HTR3A: variants seen among roughly 807,000 people sequenced by gnomAD.
HTR3A encodes 5-hydroxytryptamine receptor 3A.
Under a neutral mutation model 54.8 loss-of-function variants are expected in HTR3A, and 45 were observed. The observed-to-expected ratio is 0.82, with a 90% CI of 0.65 to 1.05. The LOEUF (loss-of-function observed/expected upper bound fraction) is 1.05. Among genes scored for constraint, HTR3A ranks in the 50% least tolerant of loss-of-function variants. The probability of loss-of-function intolerance (pLI) is 0.00; values close to 1 mark genes in which losing one functional copy is unlikely to be tolerated. For missense variants in HTR3A, 657 were observed against 614.0 expected (o/e 1.07, Z -0.74); for synonymous variants, 297 against 256.0 (o/e 1.16, Z -1.53).
At chr11:113,987,569 C>G (rs1950507673) in intron 8 of HTR3A, among the ~76,000 whole-genome samples, 1 of 35,136 alleles carries the variant, frequency 2.8e-5, no homozygotes, top group Non-Finnish European at 1.7e-4. Flanking sequence ...CTCATCTCTA[C>G]TAATTTTTTT....
chr11:113,978,748 TG>T (rs1950386101), intron 2 of HTR3A, among the ~76,000 whole-genome samples: 1 of 152,112 alleles, frequency 6.6e-6, no homozygotes, highest in South Asian at 2.1e-4. Flanking sequence ...CCCAGCACTT[TG>T]GGAAGCCGAG....
At chr11:113,975,748 T>C (rs889529689) in intron 1 of HTR3A, among the ~76,000 whole-genome samples, 13 of 152,270 alleles carry the variant, frequency 8.5e-5, no homozygotes, top group South Asian at 6.2e-4. Context: ...TTAGAACTCA[T>C]TGGGTCCACC....
intron 8 of HTR3A, among the ~76,000 whole-genome samples, chr11:113,987,400 G>A (rs766412566): frequency 3.3e-5 from 5 of 152,058 alleles, no homozygotes; most frequent in Admixed American, 6.6e-5. Context: ...TGCCTCACAC[G>A]GTTAAATACT....
At position 113,981,240 on chromosome 11, in the gene HTR3A, A is replaced by G; in HGVS notation, c.302A>G (p.Asp101Gly). ...GAGTTTCTCCAGTGGAACCCTGAGG[A>G]CTTTGACAACATCACCAAGTTGTCC... is the stretch of plus-strand genomic sequence containing the variant. ...TDEFLQWNPE[D>G]FDNITKLSIP... is the part of the protein sequence containing the mutation. Residue 101 changes from aspartate to glycine, a missense_variant, in exon 4 of 9, where the codon GAC becomes GGC. Coordinates refer to ENST00000504030, the MANE Select transcript of HTR3A (RefSeq NM_000869.6). 2 of 1,613,868 alleles carry G rather than the reference A, an allele frequency of 1.2e-6. No homozygotes were observed. Among genetic ancestry groups the G allele is most frequent in the South Asian group, 1.1e-5 (1 of 91,084 alleles).
At chr11:113,978,029 T>C (rs745479032) in intron 2 of HTR3A, 107 bp downstream of exon 2, 6 of 1,323,442 alleles carry the variant, frequency 4.5e-6, no homozygotes, top group Non-Finnish European at 6.5e-6. Context: ...TGAGAACCCA[T>C]AGGACCTACG....
chr11:113,986,811 C>T lies in HTR3A; in HGVS notation c.917-14C>T. ...TCCTGCATGTGTCTCTTGCCTCTGC[C>T]CTGGGCTGCACAGGTGTCTACTTTG... On this transcript the variant is annotated splice_polypyrimidine_tract_variant and intron_variant, in intron 7 of 8. Transcript: ENST00000504030. 2 of 1,614,148 alleles carry T rather than the reference C, an allele frequency of 1.2e-6. No individual in the cohort carries two copies. The highest frequency in any genetic ancestry group is 1.1e-5 in the South Asian group (1 of 91,088).
Position 113,982,382 on chromosome 11 carries a change from C to T in HTR3A, c.375-738C>T, listed in dbSNP as rs546142426. ...GACCTGGACCACACACCATCCTCTA[C>T]ATAGCTCAGGCTGGAGGGCTCTGGG... is the stretch of plus-strand genomic sequence containing the variant. On this transcript the variant is annotated intron_variant, in intron 4 of 8. Coordinates refer to ENST00000504030, the MANE Select transcript of HTR3A (RefSeq NM_000869.6). Among the ~76,000 whole-genome samples, 8 of 152,278 alleles carry T rather than the reference C, an allele frequency of 5.3e-5. No individual in the cohort carries two copies. The South Asian group carries it at 1.5e-3, about 28-fold the overall frequency.
At position 113,975,387 on chromosome 11, in the gene HTR3A, G is replaced by A; in HGVS notation, c.62G>A (p.Gly21Glu). ...ALLLPTLLAQ[G>E]EARRSRNTTR... ...CTCCTCCCCACACTCCTGGCACAGG[G>A]AGAAGGTAAGCAGACTTCGGGAAGC... Residue 21 changes from glycine to glutamate, a missense_variant, in exon 1 of 9, where the codon GGA becomes GAA. Gly to Glu is a moderately conservative substitution (Grantham distance 98). Coordinates refer to ENST00000504030, the MANE Select transcript of HTR3A (RefSeq NM_000869.6). 2 of 1,612,048 alleles carry A rather than the reference G, an allele frequency of 1.2e-6. No individual in the cohort carries two copies. Among genetic ancestry groups the A allele is most frequent in the African/African-American group, 1.3e-5 (1 of 75,074 alleles).
Position 113,986,013 on chromosome 11 carries a change from A to G in HTR3A, c.545-2A>G. The G allele has an allele frequency of 1.2e-6, 2 of 1,614,140 alleles. No homozygotes were observed. Among genetic ancestry groups the G allele is most frequent in the South Asian group, 2.2e-5 (2 of 91,078 alleles). On this transcript the variant is annotated splice_acceptor_variant, in intron 5 of 8. Transcript: ENST00000504030. LOFTEE classifies it high-confidence loss of function. ...AAGCTGGCTTGCTTTATTCTCTCTC[A>G]GTCCAGGACATCAACATCTCTTTGT...
Position 113,983,128 on chromosome 11 carries a change from T to C in HTR3A, c.383T>C (p.Val128Ala), listed in dbSNP as rs1476926212. 2.0e-5 allele frequency: 32 copies of C among 1,614,086 alleles called. No individual in the cohort carries two copies. In the Admixed American group the frequency reaches 5.2e-4, roughly 26 times the overall value. The change falls in exon 5 of 9, where the codon GTG (valine) becomes GCG (alanine). Residue 128 changes from valine to alanine, a missense_variant. Val to Ala is a moderately conservative substitution (Grantham distance 64, BLOSUM62 0). Coordinates refer to ENST00000504030, the MANE Select transcript of HTR3A (RefSeq NM_000869.6). ...PDILINEFVDVGKSPNIPYVY... is the reference protein window; with the variant it reads ...PDILINEFVDAGKSPNIPYVY... Reference sequence around the variant, plus strand: ...CCCTTTTCCCCCGCCAGCGTGGATGTGGGGAAGTCTCCAAATATCCCGTAC... The same window carrying C: ...CCCTTTTCCCCCGCCAGCGTGGATGCGGGGAAGTCTCCAAATATCCCGTAC...
At chr11:113,977,355 C>T in intron 1 of HTR3A, 1 of 599,912 alleles carries the variant, frequency 1.7e-6, no homozygotes, top group Admixed American at 3.0e-5. Flanking sequence ...AAATTGTGCA[C>T]TTGGGGTCAT....
chr11:113,978,040 G>C (rs1281383409), intron 2 of HTR3A, 118 bp downstream of exon 2: 19 of 1,186,380 alleles, frequency 1.6e-5, no homozygotes, highest in Non-Finnish European at 2.4e-5. Flanking sequence ...AGGACCTACG[G>C]TCTGGCACCA....
chr11:113,988,956 A>T (rs1056818308), intron 8 of HTR3A, among the ~76,000 whole-genome samples: 1 of 152,140 alleles, frequency 6.6e-6, no homozygotes, highest in African/African-American at 2.4e-5. Context: ...AGGGGTGGAG[A>T]ATGTGTGTAA....
In HTR3A at chr11:113,986,839, G is replaced by A; in HGVS notation, c.931G>A (p.Val311Met). The change falls in exon 8 of 9, where the codon GTG (valine) becomes ATG (methionine). Residue 311 changes from valine to methionine, a missense_variant. Val to Met is a conservative substitution (Grantham distance 21). Transcript: ENST00000504030. Reference protein sequence around the residue: ...GTPLIGVYFVVCMALLVISLA... With the variant: ...GTPLIGVYFVMCMALLVISLA... ...GGGCTGCACAGGTGTCTACTTTGTGGTGTGCATGGCTCTGCTGGTGATAAG... is the reference window on the plus strand; with the variant it reads ...GGGCTGCACAGGTGTCTACTTTGTGATGTGCATGGCTCTGCTGGTGATAAG... 6.2e-7 allele frequency: 1 copy of A among 1,614,104 alleles called. No homozygotes were observed. The highest frequency in any genetic ancestry group is 8.5e-7 in the Non-Finnish European group (1 of 1,180,046).
chr11:113,978,526 C>A (rs771800837), intron 2 of HTR3A, among the ~76,000 whole-genome samples: 1 of 152,020 alleles, frequency 6.6e-6, no homozygotes, highest in Non-Finnish European at 1.5e-5. Context: ...ATTAGTCAGC[C>A]CTCCTGACTA....
chr11:113,986,605 T>A lies in HTR3A; in HGVS notation c.793T>A (p.Tyr265Asn). 1 of 1,613,784 alleles carries A rather than the reference T, an allele frequency of 6.2e-7. No individual in the cohort carries two copies. Among genetic ancestry groups the A allele is most frequent in the Non-Finnish European group, 8.5e-7 (1 of 1,180,026 alleles). ...FLMVMDIVGF[Y>N]LPPNSGERVS... ...CATGGTCATGGACATCGTGGGCTTC[T>A]ACCTGCCCCCCAACAGTGGCGAGAG... Residue 265 changes from tyrosine (Y) to asparagine (N), a missense_variant, in exon 7 of 9, where the codon TAC becomes AAC. Tyr to Asn is a moderately radical substitution (Grantham distance 143). Transcript: ENST00000504030.
rs1481891711 is a variant in HTR3A, at chr11:113,986,817, C to T, written c.917-8C>T. On this transcript the variant is annotated splice_region_variant and splice_polypyrimidine_tract_variant and intron_variant, in intron 7 of 8. Transcript: ENST00000504030. ...ATGTGTCTCTTGCCTCTGCCCTGGG[C>T]TGCACAGGTGTCTACTTTGTGGTGT... 1.2e-6 allele frequency: 2 copies of T among 1,613,966 alleles called. No individual in the cohort carries two copies. Among genetic ancestry groups the T allele is most frequent in the African/African-American group, 2.7e-5 (2 of 74,916 alleles).
In HTR3A at chr11:113,989,476, C is replaced by G; in HGVS notation, c.1150C>G (p.His384Asp). 6.2e-7 allele frequency: 1 copy of G among 1,614,096 alleles called. No individual in the cohort carries two copies. The highest frequency in any genetic ancestry group is 8.5e-7 in the Non-Finnish European group (1 of 1,180,020). The change falls in exon 9 of 9, where the codon CAC becomes GAC. Residue 384 changes from histidine (H) to aspartate (D), a missense_variant. His to Asp is a moderately conservative substitution (Grantham distance 81, BLOSUM62 -1). Coordinates refer to ENST00000504030, the MANE Select transcript of HTR3A (RefSeq NM_000869.6). This position sits in a 1 kb window ranked among gnomAD's most constrained non-coding sequence, Gnocchi z 4.4. ...TGCCCTTCTTCCAGCCATGGGAAAC[C>G]ACTGCAGCCACATGGGAGGACCCCA... ...KTDDCSAMGN[H>D]CSHMGGPQDF...
At chr11:113,979,569 C>T (rs1433158111) in intron 3 of HTR3A, among the ~76,000 whole-genome samples, 1 of 152,192 alleles carries the variant, frequency 6.6e-6, no homozygotes, top group African/African-American at 2.4e-5. Flanking sequence ...TGAGCCAGCC[C>T]CTTCACTCTC....
Sources: allele counts gnomAD v4.1 joint callset (sites outside exome capture counted in the v4.1 genomes callset), GRCh38; gene constraint gnomAD v4.1.1; non-coding constraint Gnocchi (gnomAD v3.1); transcripts MANE v1.5; gene names NCBI Gene and HGNC (gene_info 2026-07-23, HGNC 2026-07-21).